NAP1L1: variants seen among roughly 807,000 people sequenced by gnomAD.
NAP1L1 encodes the protein nucleosome assembly protein 1-like 1.
Under a neutral mutation model 58.9 loss-of-function variants are expected in NAP1L1, and 9 were observed. The ratio of observed to expected loss-of-function variants is 0.15; its 90% CI spans 0.09 to 0.27. The LOEUF (loss-of-function observed/expected upper bound fraction) is 0.27. NAP1L1 is among the 10% of genes least tolerant of loss of function. The pLI, the probability that NAP1L1 is intolerant of heterozygous loss-of-function variation, is 1.00. For missense variants in NAP1L1, 302 were observed against 458.8 expected, an observed-to-expected ratio of 0.66 and a Z score of 3.12; for synonymous variants, 130 against 138.3, an observed-to-expected ratio of 0.94 and a Z score of 0.42.
intron 6 of NAP1L1, chr12:76,057,150 G>C: frequency 5.2e-6 from 1 of 191,478 alleles, no homozygotes; most frequent in Non-Finnish European, 1.1e-5. Context: ...AGTAGATTAA[G>C]CTGGGCATAG....
chr12:76,050,421 AT>A lies in NAP1L1; in HGVS notation c.1059+109del. 6 of 1,349,646 alleles carry A rather than the reference AT, an allele frequency of 4.4e-6. No individual in the cohort carries two copies. The South Asian group carries it at 6.7e-5, about 15-fold the overall frequency. The allele number at this position is 1,349,646 out of a possible 1,614,324, so 83.6% of individuals were successfully genotyped here. Reference sequence around the variant, plus strand: ...ATACAGAACATCAGTAATTAGCCTAATTTTGAATTATATTATGTCCTGCTTC... The same window carrying A: ...ATACAGAACATCAGTAATTAGCCTAATTTGAATTATATTATGTCCTGCTTC... On this transcript the variant is annotated intron_variant, in intron 12 of 14. Transcript: ENST00000618691.
intron 9 of NAP1L1, among the ~76,000 whole-genome samples, chr12:76,053,562 A>G (rs1236884512): frequency 6.6e-6 from 1 of 152,232 alleles, no homozygotes; most frequent in Non-Finnish European, 1.5e-5. Context: ...TATAATTTAA[A>G]GAAGCATTCC....
Position 76,044,909 on chromosome 12 carries a change from A to G in NAP1L1, c.*3520T>C. 6.6e-6 allele frequency: 1 copy of G among 152,316 alleles called. No individual in the cohort carries two copies. The highest frequency in any genetic ancestry group is 1.9e-4 in the East Asian group (1 of 5,192). The allele number at this position is 152,316 out of a possible 1,614,324, so 9.4% of individuals were successfully genotyped here. A position where few individuals can be genotyped will look rare whatever the true frequency, so the allele number is the denominator to read the frequency against. On this transcript the variant is annotated 3_prime_UTR_variant, in exon 15 of 15. Transcript: ENST00000618691. ...AAGAACTTGGCTTTTTATCCAGGTT[A>G]TATTTTAATATCTGGAGTTTTAATC...
intron 1 of NAP1L1, among the ~76,000 whole-genome samples, chr12:76,082,061 T>A (rs1950426464): frequency 6.6e-6 from 1 of 152,178 alleles, no homozygotes; most frequent in Non-Finnish European, 1.5e-5. Context: ...CAATTACAGG[T>A]TTGATTAAAC....
Position 76,078,603 on chromosome 12 carries a change from G to A in NAP1L1, c.-20-4364C>T, listed in dbSNP as rs148401006. Among the ~76,000 whole-genome samples, 573 of 152,276 alleles carry A rather than the reference G, an allele frequency of 3.8e-3. 7 individuals are homozygous for A. Among genetic ancestry groups the A allele is most frequent in the African/African-American group, 0.013 (550 of 41,544 alleles). On this transcript the variant is annotated intron_variant, in intron 1 of 14. Coordinates refer to ENST00000618691, the MANE Select transcript of NAP1L1 (RefSeq NM_004537.7). The stretch of plus-strand genomic sequence containing the variant: ...TTGAAAACACACTGTCTGCAAGGAA[G>A]TCATCTATTAAAGGTGATATAACAA...
chr12:76,076,987 A>G (rs897592204), intron 1 of NAP1L1, among the ~76,000 whole-genome samples: 1 of 152,212 alleles, frequency 6.6e-6, no homozygotes, highest in African/African-American at 2.4e-5. Context: ...TTTATATAAT[A>G]ATTTCCAATA....
At chr12:76,062,048 G>A (rs555333535) in intron 4 of NAP1L1, among the ~76,000 whole-genome samples, 3 of 152,290 alleles carry the variant, frequency 2.0e-5, no homozygotes, top group East Asian at 3.9e-4. Flanking sequence ...AGGTAGCAGT[G>A]CGGACAAACT....
In NAP1L1 at chr12:76,039,376, A is replaced by C. The variant is rs1191388549; in HGVS notation, c.*9053T>G. The C allele has an allele frequency of 6.6e-6, 1 of 152,286 alleles. No homozygotes were observed. The highest frequency in any genetic ancestry group is 1.5e-5 in the Non-Finnish European group (1 of 68,108). The allele number at this position is 152,286 out of a possible 1,614,324, so 9.4% of individuals were successfully genotyped here. ...TAATAAACCAACTTGCCAAAGACAA[A>C]AAGTAGAATGAAAGTCTGCCTGAGA... On this transcript the variant is annotated 3_prime_UTR_variant, in exon 15 of 15. Coordinates refer to ENST00000618691, the MANE Select transcript of NAP1L1 (RefSeq NM_004537.7).
At chr12:76,069,268 C>T (rs1949836597) in intron 2 of NAP1L1, among the ~76,000 whole-genome samples, 2 of 152,194 alleles carry the variant, frequency 1.3e-5, no homozygotes, top group African/African-American at 4.8e-5. Context: ...GTGATGTCAA[C>T]AAGTACGTGC....
At chr12:76,076,152 C>T (rs1020122674) in intron 1 of NAP1L1, among the ~76,000 whole-genome samples, 2 of 152,168 alleles carry the variant, frequency 1.3e-5, no homozygotes, top group South Asian at 4.1e-4. Context: ...TCCTGCACAT[C>T]CTTTGGCTCT....
At position 76,050,514 on chromosome 12, in the gene NAP1L1, G is replaced by A. The variant is rs544438460; in HGVS notation, c.1059+17C>T. 1.3e-6 allele frequency: 2 copies of A among 1,594,620 alleles called. No individual in the cohort carries two copies. The highest frequency in any genetic ancestry group is 1.7e-6 in the Non-Finnish European group (2 of 1,173,722). ...CCCTCAACCAATTATTTCTTTGCAG[G>A]ATTCAAATTCGCTTACATCATCATC... On this transcript the variant is annotated intron_variant, in intron 12 of 14. Transcript: ENST00000618691.
At chr12:76,075,788 C>T (rs561458073) in intron 1 of NAP1L1, among the ~76,000 whole-genome samples, 10 of 152,250 alleles carry the variant, frequency 6.6e-5, no homozygotes, top group African/African-American at 2.4e-4. Flanking sequence ...ACCTGTAGTG[C>T]ACATGCATCC....
chr12:76,053,846 T>A lies in NAP1L1; in HGVS notation c.694A>T (p.Thr232Ser). 2 of 1,594,042 alleles carry A rather than the reference T, an allele frequency of 1.3e-6. No homozygotes were observed. Among genetic ancestry groups the A allele is most frequent in the Non-Finnish European group, 1.7e-6 (2 of 1,175,174 alleles). The part of the protein sequence containing the change: ...EYFTNEVLTK[T>S]YRMRSEPDDS... Reference sequence around the variant, plus strand: ...TCTGGTTCTGACCTCATCCTGTATGTCTTTGTCAGCACTTCATTTGTAAAA... The same window carrying A: ...TCTGGTTCTGACCTCATCCTGTATGACTTTGTCAGCACTTCATTTGTAAAA... The change falls in exon 9 of 15, where the codon ACA (threonine) becomes TCA (serine). Residue 232 changes from threonine (T) to serine (S), a missense_variant. Transcript: ENST00000618691.
intron 4 of NAP1L1, among the ~76,000 whole-genome samples, chr12:76,065,693 G>T (rs1481182852): frequency 1.3e-5 from 2 of 152,044 alleles, no homozygotes; most frequent in Non-Finnish European, 2.9e-5. Context: ...AATGTGACCT[G>T]AATAATTAGA....
chr12:76,084,630 G>A lies in NAP1L1; in HGVS notation c.-84C>T, dbSNP rs1950545810. The stretch of plus-strand genomic sequence containing the variant: ...CAGGCAGTGACTCAGGGCGGCAGCG[G>A]CAGCAGCAGCGGGAGGAGCAGGAGG... On this transcript the variant is annotated 5_prime_UTR_variant, in exon 1 of 15. Transcript: ENST00000618691. 3 of 153,804 alleles carry A rather than the reference G, an allele frequency of 2.0e-5. No individual in the cohort carries two copies. The highest frequency in any genetic ancestry group is 4.3e-5 in the Non-Finnish European group (3 of 69,328). The allele number at this position is 153,804 out of a possible 1,614,324, so 9.5% of individuals were successfully genotyped here. A position where few individuals can be genotyped will look rare whatever the true frequency, so the allele number is the denominator to read the frequency against.
rs990361579 is a variant in NAP1L1 at position 76,041,636 on chromosome 12, C to T, written c.*6793G>A. 6.6e-6 allele frequency: 1 copy of T among 152,170 alleles called. No homozygotes were observed. The highest frequency in any genetic ancestry group is 2.1e-4 in the South Asian group (1 of 4,828). The allele number at this position is 152,170 out of a possible 1,614,324, so 9.4% of individuals were successfully genotyped here. A position where few individuals can be genotyped will look rare whatever the true frequency, so the allele number is the denominator to read the frequency against. The stretch of plus-strand genomic sequence containing the variant: ...GCAGCTCCCACTTGTAAGCATAGCA[C>T]CTCAGGAGGTTGAGGTGAGACAACC... On this transcript the variant is annotated 3_prime_UTR_variant, in exon 15 of 15. Transcript: ENST00000618691.
At position 76,080,469 on chromosome 12, in the gene NAP1L1, CAACA is replaced by C. The variant is rs1168033325; in HGVS notation, c.-21+4094_-21+4097del. Among the ~76,000 whole-genome samples the C allele has an allele frequency of 2.6e-5, 4 of 152,288 alleles. No individual in the cohort carries two copies. The East Asian group carries it at 5.8e-4, about 22-fold the overall frequency. ...GCTATACAGGTTTGTAGCCTAGGAACAACAAACAGGCTATACCATATAACCCAGG... is the reference window on the plus strand; with the variant it reads ...GCTATACAGGTTTGTAGCCTAGGAACAACAGGCTATACCATATAACCCAGG... On this transcript the variant is annotated intron_variant, in intron 1 of 14. Coordinates refer to ENST00000618691, the MANE Select transcript of NAP1L1 (RefSeq NM_004537.7).
At chr12:76,078,992 T>TACACACACACACACACACACACACACAC (rs753522753) in intron 1 of NAP1L1, among the ~76,000 whole-genome samples, 3 of 149,486 alleles carry the variant, frequency 2.0e-5, no homozygotes, top group African/African-American at 7.6e-5. Context: ...CATATATATA[T>TACACACACACACACACACACACACACAC]ATACACACAC....
Position 76,053,890 on chromosome 12 carries a change from T to C in NAP1L1, c.650A>G (p.His217Arg), listed in dbSNP as rs754020203. 6.3e-7 allele frequency: 1 copy of C among 1,597,758 alleles called. No homozygotes were observed. The change falls in exon 9 of 15, where the codon CAC becomes CGC. Residue 217 changes from histidine to arginine, a missense_variant. Transcript: ENST00000618691. The stretch of plus-strand genomic sequence containing the variant: ...TGTAAAATATTCATTGGGTTCAAAG[T>C]GAAATTCTAAGACAAAACTCTGGGG... ...GQPMSFVLEF[H>R]FEPNEYFTNE...
Sources: allele counts gnomAD v4.1 joint callset (sites outside exome capture counted in the v4.1 genomes callset), GRCh38; gene constraint gnomAD v4.1.1; transcripts MANE v1.5; gene names NCBI Gene and HGNC (gene_info 2026-07-23, HGNC 2026-07-21).